Variants in JMJD6 observed in about 807,000 individuals in gnomAD.
The protein encoded by JMJD6 is jumonji domain containing 6, arginine demethylase and lysine hydroxylase, also known as bifunctional arginine demethylase and lysyl-hydroxylase JMJD6.
Under a neutral mutation model 45.8 loss-of-function variants are expected in JMJD6, and 17 were observed. That is an observed-to-expected ratio of 0.37 (90% CI 0.25 to 0.56). The LOEUF is 0.56. Ranked by LOEUF, JMJD6 falls within the 20% of genes least tolerant of loss-of-function variation. The pLI is 0.79. For missense variants in JMJD6, 470 were observed against 517.5 expected, an observed-to-expected ratio of 0.91 and a Z score of 0.89; for synonymous variants, 221 against 196.3, an observed-to-expected ratio of 1.13 and a Z score of -1.05.
downstream of JMJD6, among the ~76,000 whole-genome samples, chr17:76,717,997 A>T (rs934852156): frequency 4.6e-5 from 7 of 151,104 alleles, no homozygotes; most frequent in African/African-American, 1.2e-4. Flanking sequence ...TCTCAAAAAA[A>T]AATAATAAAA....
intron 2 of JMJD6, 96 bp downstream of exon 2, chr17:76,725,371 A>T (rs2076898978): frequency 4.2e-6 from 5 of 1,197,086 alleles, no homozygotes; most frequent in Middle Eastern, 2.9e-4. Flanking sequence ...GCACCACGGC[A>T]CTGCAGCCTG....
At chr17:76,723,628 A>C (rs947378676) in intron 3 of JMJD6, 144 bp downstream of exon 3, 3 of 755,500 alleles carry the variant, frequency 4.0e-6, no homozygotes, top group Non-Finnish European at 4.3e-6. Context: ...TTTTTAGTAG[A>C]GACGGGGTTT....
chr17:76,713,753 C>G (rs542369423), downstream of JMJD6: 1 of 152,340 alleles, frequency 6.6e-6, no homozygotes, highest in African/African-American at 2.4e-5. Flanking sequence ...TTTGCACCAG[C>G]AACCTTCCCA....
chr17:76,720,443 G>A lies in JMJD6; in HGVS notation c.997C>T (p.Gln333Ter). 6.2e-7 allele frequency: 1 copy of A among 1,614,058 alleles called. No individual in the cohort carries two copies. Among genetic ancestry groups the A allele is most frequent in the Non-Finnish European group, 8.5e-7 (1 of 1,179,934 alleles). Reference sequence around the variant, plus strand: ...TCGGAAGCTATCCCTGTGGACTCCTGAAGGTCAACCGAGTCTGCGAGGACT... The same window carrying A: ...TCGGAAGCTATCCCTGTGGACTCCTAAAGGTCAACCGAGTCTGCGAGGACT... ...LAVLADSVDL[Q>*]ESTGIASDSS... Residue 333 changes from glutamine (Q) to a stop codon, truncating the protein, a stop_gained, in exon 5 of 6, where the codon CAG becomes TAG. Coordinates refer to ENST00000397625, the MANE Select transcript of JMJD6 (RefSeq NM_015167.3). LOFTEE classifies it high-confidence loss of function.
chr17:76,721,748 C>A, intron 4 of JMJD6, 50 bp downstream of exon 4: 1 of 1,591,482 alleles, frequency 6.3e-7, no homozygotes, highest in South Asian at 1.1e-5. Flanking sequence ...CATTTTATCT[C>A]TGGGGTCGAA....
At chr17:76,717,277 A>G (rs1177392988), downstream of JMJD6, among the ~76,000 whole-genome samples, 1 of 152,224 alleles carries the variant, frequency 6.6e-6, no homozygotes, top group Non-Finnish European at 1.5e-5. Context: ...TGAACTGCTG[A>G]GCTCAAGTGA....
In JMJD6 at chr17:76,718,670, C is replaced by T; in HGVS notation, c.*59G>A. 6.3e-7 allele frequency: 1 copy of T among 1,586,012 alleles called. No individual in the cohort carries two copies. The highest frequency in any genetic ancestry group is 8.6e-7 in the Non-Finnish European group (1 of 1,166,126). ...TCTGCAGGACTGGACAGGCCACCCTCCCCAGGCCCTGCCCTTGCCGCGAGC... is the reference window on the plus strand; with the variant it reads ...TCTGCAGGACTGGACAGGCCACCCTTCCCAGGCCCTGCCCTTGCCGCGAGC... On this transcript the variant is annotated 3_prime_UTR_variant, in exon 6 of 6. Coordinates refer to ENST00000397625, the MANE Select transcript of JMJD6 (RefSeq NM_015167.3).
intron 5 of JMJD6, 57 bp from the exon 6 acceptor site, chr17:76,718,917 T>A (rs1203599957): frequency 1.3e-6 from 2 of 1,568,506 alleles, no homozygotes; most frequent in East Asian, 4.6e-5. Flanking sequence ...CACTTCTTCA[T>A]TAAACAAACC....
At chr17:76,726,274 G>C in intron 1 of JMJD6, 73 bp downstream of exon 1, 2 of 1,488,268 alleles carry the variant, frequency 1.3e-6, no homozygotes, top group South Asian at 1.3e-5. Context: ...GGGCAGCCTC[G>C]GGCCCAGAGA....
At chr17:76,717,624 G>A (rs922516015), downstream of JMJD6, among the ~76,000 whole-genome samples, 4 of 151,988 alleles carry the variant, frequency 2.6e-5, no homozygotes, top group African/African-American at 9.7e-5. Flanking sequence ...GAGGTGGGGG[G>A]ATCACTTGAG....
intron 2 of JMJD6, 30 bp from the exon 3 acceptor site, chr17:76,724,088 G>T (rs766240045): frequency 6.2e-7 from 1 of 1,608,240 alleles, no homozygotes; most frequent in Non-Finnish European, 8.5e-7. Flanking sequence ...AAGATGTGAA[G>T]TGTAATTTAC....
chr17:76,721,113 G>C (rs980458263), intron 4 of JMJD6: 2 of 202,968 alleles, frequency 9.9e-6, no homozygotes, highest in Admixed American at 4.7e-5. Context: ...AAGGCCTGCG[G>C]TGTGACCAAA....
chr17:76,726,511 G>C lies in JMJD6; in HGVS notation c.-36C>G. 6.4e-7 allele frequency: 1 copy of C among 1,570,046 alleles called. No homozygotes were observed. The highest frequency in any genetic ancestry group is 2.4e-5 in the East Asian group (1 of 41,942). The stretch of plus-strand genomic sequence containing the variant: ...CGCCAGCTGGTTCCGCTACGACCTC[G>C]GCGCAGCCCGCTTCCTGACACTAAC... On this transcript the variant is annotated 5_prime_UTR_variant, in exon 1 of 6. Transcript: ENST00000397625.
In JMJD6 at chr17:76,726,499, C is replaced by T. The variant is rs1397787181; in HGVS notation, c.-24G>A. On this transcript the variant is annotated 5_prime_UTR_variant, in exon 1 of 6. Transcript: ENST00000397625. The stretch of plus-strand genomic sequence containing the variant: ...ATTCTGCGGGGTCGCCAGCTGGTTC[C>T]GCTACGACCTCGGCGCAGCCCGCTT... 4 of 1,580,664 alleles carry T rather than the reference C, an allele frequency of 2.5e-6. No homozygotes were observed. Among genetic ancestry groups the T allele is most frequent in the East Asian group, 2.4e-5 (1 of 42,248 alleles).
In JMJD6 at chr17:76,721,889, T is replaced by C. The variant is rs758964298; in HGVS notation, c.850A>G (p.Ile284Val). 5 of 1,614,216 alleles carry C rather than the reference T, an allele frequency of 3.1e-6. No homozygotes were observed. The highest frequency in any genetic ancestry group is 1.1e-5 in the South Asian group (1 of 91,086). The change falls in exon 4 of 6, where the codon ATC becomes GTC. Residue 284 changes from isoleucine to valine, a missense_variant. Physicochemically the swap from Ile to Val is conservative, Grantham distance 29 (BLOSUM62 3). Transcript: ENST00000397625. ...GTGCTGCTGGCAAAATTTTGGGTGA[T>C]GGCGATAGTAGTGTCGAGATTGAGG... ...VVLNLDTTIA[I>V]TQNFASSTNF...
chr17:76,724,106 C>T, intron 2 of JMJD6, 48 bp from the exon 3 acceptor site: 2 of 1,573,522 alleles, frequency 1.3e-6, no homozygotes, highest in Non-Finnish European at 1.7e-6. Context: ...TACTTACACA[C>T]ATACCACACA....
chr17:76,713,015 A>G (rs761570226), exon 7 of JMJD6: 24 of 152,384 alleles, frequency 1.6e-4, no homozygotes, highest in Non-Finnish European at 3.2e-4. Context: ...TGCAGAAGAC[A>G]GTCCCAGTTC....
chr17:76,715,453 A>T (rs1337630905), downstream of JMJD6: 1 of 152,242 alleles, frequency 6.6e-6, no homozygotes, highest in African/African-American at 2.4e-5. Flanking sequence ...CCTAGAGTAA[A>T]GCCACATGAC....
At chr17:76,715,745 C>G (rs1169497675), downstream of JMJD6, 1 of 152,186 alleles carries the variant, frequency 6.6e-6, no homozygotes, top group Non-Finnish European at 1.5e-5. Context: ...TTAAGGCAAG[C>G]AGGTGAATCA....
Sources: gnomAD v4.1 joint callset for allele counts (sites outside exome capture counted in the v4.1 genomes callset) on GRCh38, gnomAD v4.1.1 for gene constraint, MANE v1.5 for transcripts, NCBI Gene and HGNC (gene_info 2026-07-23, HGNC 2026-07-21) for gene names.